Variants in CCDC9 observed in about 807,000 individuals in gnomAD.
CCDC9 encodes the protein coiled-coil domain containing 9.
Under a neutral mutation model 65.6 loss-of-function variants are expected in CCDC9, and 52 were observed. That is an observed-to-expected ratio of 0.79 (90% CI 0.63 to 1.00). CCDC9 has a LOEUF of 1.00. Ranked by LOEUF, CCDC9 falls within the 50% of genes least tolerant of loss-of-function variation. CCDC9 has a pLI of 0.00. For synonymous variants in CCDC9, 332 were observed against 280.3 expected (o/e 1.18, Z -1.84); for missense variants, 834 against 757.2 (o/e 1.10, Z -1.19).
At chr19:47,261,038 C>G (rs975123906) in intron 5 of CCDC9, among the ~76,000 whole-genome samples, 199 bp downstream of exon 5, 1 of 151,990 alleles carries the variant, frequency 6.6e-6, no homozygotes, top group Admixed American at 6.6e-5. Flanking sequence ...TCCCCCTGTT[C>G]CTTCCCTCTC....
At chr19:47,265,064 C>CTTTT in intron 7 of CCDC9, 118 bp downstream of exon 7, 1 of 690,824 alleles carries the variant, frequency 1.4e-6, no homozygotes, top group Non-Finnish European at 2.0e-6. Flanking sequence ...CAGCACAGGA[C>CTTTT]TTTTTTTTTT....
chr19:47,268,228 C>T (rs989177620), intron 8 of CCDC9, among the ~76,000 whole-genome samples: 3 of 152,124 alleles, frequency 2.0e-5, no homozygotes, highest in African/African-American at 7.2e-5. Flanking sequence ...AAGCAAAGCC[C>T]TCATTGCATC....
chr19:47,258,993 G>A (rs1297311960), intron 3 of CCDC9, among the ~76,000 whole-genome samples: 2 of 152,210 alleles, frequency 1.3e-5, no homozygotes, highest in African/African-American at 4.8e-5. Context: ...GAGCAGACAA[G>A]TCTGGAATCA....
Position 47,260,700 on chromosome 19 carries a change from C to T in CCDC9, c.323C>T (p.Ala108Val). The change falls in exon 5 of 12, where the codon GCA (alanine) becomes GTA (valine). Residue 108 changes from alanine (A) to valine (V), a missense_variant. Transcript: ENST00000221922. The stretch of plus-strand genomic sequence containing the variant: ...GGAGGCCGGGCCGGCATGGGCCGAG[C>T]ATCGCGCAGCTGGGAGGGCAGCCCC... ...QQGGRAGMGR[A>V]SRSWEGSPGE... The T allele has an allele frequency of 6.4e-7, 1 of 1,568,896 alleles. No individual in the cohort carries two copies. The highest frequency in any genetic ancestry group is 8.6e-7 in the Non-Finnish European group (1 of 1,162,556).
chr19:47,263,093 C>G lies in CCDC9; in HGVS notation c.463-1510C>G, dbSNP rs544414365. ...CCAGCCTGGGCAACAGAGTAAGACCCTGTCTCAAAAAAAAAAAAAATCAAT... is the reference window on the plus strand; with the variant it reads ...CCAGCCTGGGCAACAGAGTAAGACCGTGTCTCAAAAAAAAAAAAAATCAAT... On this transcript the variant is annotated intron_variant, in intron 5 of 11. Coordinates refer to ENST00000221922, the MANE Select transcript of CCDC9 (RefSeq NM_015603.3). Among the ~76,000 whole-genome samples, 135 of 150,578 alleles carry G rather than the reference C, an allele frequency of 9.0e-4. 2 individuals carry two copies. The highest frequency in any genetic ancestry group is 3.4e-3 in the Middle Eastern group (1 of 290).
chr19:47,267,518 A>C (rs1311711410), intron 8 of CCDC9, among the ~76,000 whole-genome samples: 2 of 152,118 alleles, frequency 1.3e-5, no homozygotes, highest in East Asian at 3.8e-4. Context: ...CAGCAGGGTG[A>C]ATTCACTCTG....
chr19:47,256,997 C>T (rs1056865524), intron 1 of CCDC9, among the ~76,000 whole-genome samples: 25 of 148,512 alleles, frequency 1.7e-4, no homozygotes, highest in Admixed American at 4.7e-4. Context: ...GGGGGCGGAC[C>T]CAGAGGCTGA....
intron 8 of CCDC9, among the ~76,000 whole-genome samples, chr19:47,267,670 A>T (rs1463174959): frequency 3.9e-5 from 6 of 152,090 alleles, no homozygotes; most frequent in African/African-American, 1.4e-4. Context: ...GCGGGGAAAT[A>T]AGCTCTGCCC....
downstream of CCDC9, chr19:47,274,358 G>T (rs1239320522): frequency 6.6e-6 from 1 of 152,610 alleles, no homozygotes; most frequent in African/African-American, 2.4e-5. Flanking sequence ...ATGGGCATGG[G>T]GCGGGGCCGT....
intron 8 of CCDC9, among the ~76,000 whole-genome samples, chr19:47,267,925 G>A (rs568661542): frequency 6.6e-6 from 1 of 151,864 alleles, no homozygotes; most frequent in Non-Finnish European, 1.5e-5. Flanking sequence ...TCGGCTCACT[G>A]CAACCTCCGC....
In CCDC9 at chr19:47,269,359, T is replaced by TG. The variant is rs201249546; in HGVS notation, c.903-1048_903-1047insG. Among the ~76,000 whole-genome samples, 574 of 151,736 alleles carry TG rather than the reference T, an allele frequency of 3.8e-3. 2 individuals are homozygous for TG. Among genetic ancestry groups the TG allele is most frequent in the African/African-American group, 0.013 (543 of 41,102 alleles). ...ATCTGTGTAATAATATTATCTTTTT[T>TG]TTTTTGTTTTTTTGAGACTGAGTCT... On this transcript the variant is annotated intron_variant, in intron 8 of 11. Coordinates refer to ENST00000221922, the MANE Select transcript of CCDC9 (RefSeq NM_015603.3).
downstream of CCDC9, chr19:47,272,236 G>A: frequency 3.0e-6 from 3 of 998,872 alleles, no homozygotes; most frequent in Non-Finnish European, 3.9e-6. Context: ...AGAGGGCTTG[G>A]GGGGAGTGGG....
Position 47,260,793 on chromosome 19 carries a change from A to C in CCDC9, c.416A>C (p.His139Pro). The C allele has an allele frequency of 6.2e-7, 1 of 1,613,344 alleles. No individual in the cohort carries two copies. Among genetic ancestry groups the C allele is most frequent in the Non-Finnish European group, 8.5e-7 (1 of 1,179,656 alleles). Residue 139 changes from histidine to proline, a missense_variant, in exon 5 of 12, where the codon CAC becomes CCC. By Grantham distance (77) the His-to-Pro change is moderately conservative. Coordinates refer to ENST00000221922, the MANE Select transcript of CCDC9 (RefSeq NM_015603.3). ...AGGGGCCGGGGCCGAGGTTCACCTC[A>C]CCTCTCTGGAGCTGGAGACACCTCA... Reference protein sequence around the residue: ...GRRGRGRGSPHLSGAGDTSIS... With the variant: ...GRRGRGRGSPPLSGAGDTSIS...
At chr19:47,275,274 G>A, downstream of CCDC9, 3 of 1,543,876 alleles carry the variant, frequency 1.9e-6, no homozygotes, top group Middle Eastern at 1.9e-4. Context: ...CCGCTACAGC[G>A]ACCCTGACCG....
chr19:47,257,171 C>T (rs546556199), intron 1 of CCDC9, among the ~76,000 whole-genome samples: 1 of 149,516 alleles, frequency 6.7e-6, no homozygotes, highest in African/African-American at 2.5e-5. Flanking sequence ...AGCCAGAACC[C>T]TGGGGAAGCC....
At chr19:47,257,198 G>A (rs1415873641) in intron 1 of CCDC9, among the ~76,000 whole-genome samples, 1 of 150,296 alleles carries the variant, frequency 6.7e-6, no homozygotes, top group Non-Finnish European at 1.5e-5. Context: ...GGGGCCAGAT[G>A]CTGACGCAAC....
intron 8 of CCDC9, among the ~76,000 whole-genome samples, chr19:47,268,502 T>C (rs986313122): frequency 2.0e-5 from 3 of 152,194 alleles, no homozygotes; most frequent in African/African-American, 7.2e-5. Context: ...ACAGATACTA[T>C]AGCTGATCTT....
At position 47,271,282 on chromosome 19, in the gene CCDC9, G is replaced by T; in HGVS notation, c.1200G>T (p.Glu400Asp). ...SPKETPMQPP[E>D]IPAPAHRPPE... ...TGCCTGTGTCCCCAAAGCCACCCGA[G>T]ATCCCAGCTCCTGCCCACCGGCCTC... The change falls in exon 12 of 12, where the codon GAG (glutamate) becomes GAT (aspartate). Residue 400 changes from glutamate (E) to aspartate (D), a missense_variant. Physicochemically the swap from Glu to Asp is conservative, Grantham distance 45. Coordinates refer to ENST00000221922, the MANE Select transcript of CCDC9 (RefSeq NM_015603.3). 5 of 1,612,646 alleles carry T rather than the reference G, an allele frequency of 3.1e-6. No individual in the cohort carries two copies. The highest frequency in any genetic ancestry group is 4.2e-6 in the Non-Finnish European group (5 of 1,179,328).
At chr19:47,262,630 G>C (rs2059053557) in intron 5 of CCDC9, among the ~76,000 whole-genome samples, 1 of 152,158 alleles carries the variant, frequency 6.6e-6, no homozygotes, top group Non-Finnish European at 1.5e-5. Flanking sequence ...AGATAAGTCT[G>C]CTTTATCACT....
Sources: gnomAD v4.1 joint callset for allele counts (sites outside exome capture counted in the v4.1 genomes callset) on GRCh38, gnomAD v4.1.1 for gene constraint, MANE v1.5 for transcripts, NCBI Gene and HGNC (gene_info 2026-07-23, HGNC 2026-07-21) for gene names.